Variants in ZNF419 observed in about 807,000 individuals in gnomAD.
ZNF419 encodes the protein zinc finger protein 419A.
In ZNF419, 8 loss-of-function variants were observed where a neutral mutation model predicts 14.9. That is an observed-to-expected ratio of 0.54 (90% CI 0.32 to 0.97). The LOEUF is 0.97. Ranked by LOEUF, ZNF419 falls within the 50% of genes least tolerant of loss-of-function variation. The pLI, the probability that ZNF419 is intolerant of heterozygous loss-of-function variation, is 0.04. For synonymous variants in ZNF419, 211 were observed against 205.3 expected, an observed-to-expected ratio of 1.03 and a Z score of -0.24; for missense variants, 595 against 607.2, an observed-to-expected ratio of 0.98 and a Z score of 0.21.
intron 1 of ZNF419, 49 bp downstream of exon 1, chr19:57,488,032 G>A (rs772544949): frequency 1.9e-5 from 30 of 1,609,796 alleles, no homozygotes; most frequent in Non-Finnish European, 2.5e-5. Flanking sequence ...AGCCCTGTGA[G>A]GGCCGCCTGC....
Position 57,494,341 on chromosome 19 carries a change from G to A in ZNF419, c.*251G>A. On this transcript the variant is annotated 3_prime_UTR_variant, in exon 5 of 5. Coordinates refer to ENST00000221735, the MANE Select transcript of ZNF419 (RefSeq NM_024691.4). ...GGGTGACAGGTTATGTACTGTCTCT[G>A]AATCAATATGACCTCACTTAAAACA... The A allele has an allele frequency of 4.3e-6, 2 of 469,204 alleles. No homozygotes were observed. Among genetic ancestry groups the A allele is most frequent in the Non-Finnish European group, 7.1e-6 (2 of 280,138 alleles). The allele number at this position is 469,204 out of a possible 1,614,324, so 29.1% of individuals were successfully genotyped here.
rs1373604090 is a variant in ZNF419 at position 57,493,751 on chromosome 19, T to A, written c.1194T>A (p.Pro398=). The change falls in exon 5 of 5, where the codon CCT becomes CCA. Residue 398 remains proline, a synonymous_variant. Transcript: ENST00000221735. ...QHQKVHTGEK[P]FKCNECGRFF... Reference sequence around the variant, plus strand: ...AAAAAGTTCACACTGGAGAAAAGCCTTTTAAGTGCAATGAATGTGGGAGAT... The same window carrying A: ...AAAAAGTTCACACTGGAGAAAAGCCATTTAAGTGCAATGAATGTGGGAGAT... 1 of 1,614,042 alleles carries A rather than the reference T, an allele frequency of 6.2e-7. No homozygotes were observed. The highest frequency in any genetic ancestry group is 8.5e-7 in the Non-Finnish European group (1 of 1,180,014).
intron 2 of ZNF419, 112 bp from the exon 3 acceptor site, chr19:57,491,359 C>T: frequency 6.6e-7 from 1 of 1,524,994 alleles, no homozygotes; most frequent in Non-Finnish European, 8.9e-7. Context: ...CAGGGTCTCT[C>T]CTCTGAGATG....
rs1438407234 is a variant in ZNF419 at position 57,491,560 on chromosome 19, T to G, written c.162T>G (p.Asn54Lys). ...ACGCTCAGAGGCTCCTCTACCGCAA[T>G]GTGATGCTGGAGAACTTTACACTTC... ...LDDAQRLLYR[N>K]VMLENFTLLA... The change falls in exon 3 of 5, where the codon AAT becomes AAG. Residue 54 changes from asparagine to lysine, a missense_variant. By Grantham distance (94) the Asn-to-Lys change is moderately conservative. Coordinates refer to ENST00000221735, the MANE Select transcript of ZNF419 (RefSeq NM_024691.4). 1 of 1,613,946 alleles carries G rather than the reference T, an allele frequency of 6.2e-7. No homozygotes were observed. The highest frequency in any genetic ancestry group is 8.5e-7 in the Non-Finnish European group (1 of 1,180,004).
chr19:57,488,170 T>C (rs1240515760), intron 1 of ZNF419, 187 bp downstream of exon 1: 2 of 884,592 alleles, frequency 2.3e-6, no homozygotes, highest in East Asian at 5.4e-5. Flanking sequence ...ATTCAGCGAG[T>C]CCCGAACCTG....
chr19:57,492,633 TACCCCA>T, intron 4 of ZNF419: 1 of 767,168 alleles, frequency 1.3e-6, no homozygotes. Context: ...CCCTGTGCTA[TACCCCA>T]TCCTTGCATC....
rs2089604352 is a variant in ZNF419 at position 57,495,896 on chromosome 19, T to C, written c.*1806T>C. On this transcript the variant is annotated 3_prime_UTR_variant, in exon 5 of 5. Coordinates refer to ENST00000221735, the MANE Select transcript of ZNF419 (RefSeq NM_024691.4). ...ATAAATGTGTACATATTCCCTATCT[T>C]TACTGAGAGCCTAGCAAGCCATGGC... 1 of 152,130 alleles carries C rather than the reference T, an allele frequency of 6.6e-6. No homozygotes were observed. Among genetic ancestry groups the C allele is most frequent in the African/African-American group, 2.4e-5 (1 of 41,414 alleles). 9.4% of individuals were successfully genotyped at this position (152,130 alleles called of 1,614,324 possible).
chr19:57,491,642 CT>C (rs2089487678), intron 3 of ZNF419, 45 bp downstream of exon 3: 1 of 1,613,846 alleles, frequency 6.2e-7, no homozygotes, highest in Admixed American at 1.7e-5. Flanking sequence ...CTGGGCTCGG[CT>C]TTTCCTCCTT....
Position 57,493,777 on chromosome 19 carries a change from T to G in ZNF419, c.1220T>G (p.Phe407Cys). 1.2e-6 allele frequency: 2 copies of G among 1,614,084 alleles called. No homozygotes were observed. The highest frequency in any genetic ancestry group is 1.7e-6 in the Non-Finnish European group (2 of 1,179,994). The change falls in exon 5 of 5, where the codon TTC becomes TGC. Residue 407 changes from phenylalanine to cysteine, a missense_variant. By Grantham distance (205) the Phe-to-Cys change is radical. Coordinates refer to ENST00000221735, the MANE Select transcript of ZNF419 (RefSeq NM_024691.4). ...TTTAAGTGCAATGAATGTGGGAGAT[T>G]CTTTAGAGAGAATTCCACCCTAGTT... The part of the protein sequence containing the change: ...KPFKCNECGR[F>C]FRENSTLVRH...
At position 57,492,309 on chromosome 19, in the gene ZNF419, C is replaced by T. The variant is rs200675387; in HGVS notation, c.298+98C>T. 4.1e-4 allele frequency: 547 copies of T among 1,336,752 alleles called. 1 individual carries two copies. The highest frequency in any genetic ancestry group is 5.5e-4 in the Non-Finnish European group (513 of 927,330). 82.8% of individuals were successfully genotyped at this position (1,336,752 alleles called of 1,614,324 possible). A position where few individuals can be genotyped will look rare whatever the true frequency, so the allele number is the denominator to read the frequency against. On this transcript the variant is annotated intron_variant, in intron 4 of 4. Transcript: ENST00000221735. ...TTTTGATACCAAGGCAAGGGGTTGT[C>T]GCTGATTTCTATCTTTTCTTCCTTA...
At chr19:57,490,727 T>G (rs2089462276) in intron 2 of ZNF419, 1 of 154,928 alleles carries the variant, frequency 6.5e-6, no homozygotes, top group South Asian at 2.0e-4. Flanking sequence ...GTGATCAACA[T>G]TAGAAAATAC....
At position 57,494,041 on chromosome 19, in the gene ZNF419, A is replaced by G. The variant is rs2089572557; in HGVS notation, c.1484A>G (p.Asn495Ser). Residue 495 changes from asparagine (N) to serine (S), a missense_variant, in exon 5 of 5, where the codon AAC becomes AGC. Transcript: ENST00000221735. The part of the protein sequence containing the change: ...CRECGKFFRH[N>S]SSLFKHRRIH... ...GAATGTGGGAAGTTTTTTCGCCACA[A>G]CTCCAGTCTTTTTAAACATCGAAGG... is the stretch of plus-strand genomic sequence containing the variant. 3.7e-6 allele frequency: 6 copies of G among 1,612,040 alleles called. No individual in the cohort carries two copies. The highest frequency in any genetic ancestry group is 1.1e-5 in the South Asian group (1 of 90,614).
At chr19:57,490,442 G>A (rs2089456405) in intron 2 of ZNF419, 1 of 260,380 alleles carries the variant, frequency 3.8e-6, no homozygotes, top group African/African-American at 2.2e-5. Flanking sequence ...GCAACTTCTG[G>A]CTCCTGGGTT....
Position 57,493,013 on chromosome 19 carries a change from T to C in ZNF419, c.456T>C (p.Val152=), listed in dbSNP as rs1168128255. Residue 152 remains valine, a synonymous_variant, in exon 5 of 5, where the codon GTT becomes GTC. Transcript: ENST00000221735. ...TCCCAGTTTTGAGGAGTTGCAAAGT[T>C]CACCTATCAGAGAAGTCCTTGCAAA... The part of the protein sequence containing the change: ...GRVPVLRSCK[V]HLSEKSLQSR... 6.8e-6 allele frequency: 11 copies of C among 1,613,966 alleles called. No individual in the cohort carries two copies. The highest frequency in any genetic ancestry group is 2.2e-5 in the East Asian group (1 of 44,888).
intron 1 of ZNF419, chr19:57,489,177 T>C (rs1266021802): frequency 6.6e-6 from 1 of 152,220 alleles, no homozygotes; most frequent in African/African-American, 2.4e-5. Context: ...CAGGGGAGTA[T>C]ATAGCAGGCA....
intron 1 of ZNF419, 143 bp from the exon 2 acceptor site, chr19:57,490,004 A>G (rs561918474): frequency 2.7e-4 from 190 of 692,864 alleles, no homozygotes; most frequent in Non-Finnish European, 4.5e-4. Context: ...TTCCAAGGGC[A>G]CACAACAGGT....
At chr19:57,489,826 C>A (rs1488880725) in intron 1 of ZNF419, 2 of 233,986 alleles carry the variant, frequency 8.5e-6, no homozygotes, top group Non-Finnish European at 1.7e-5. Flanking sequence ...AGTTTATTTG[C>A]GCTGAAAATG....
Position 57,494,333 on chromosome 19 carries a change from C to T in ZNF419, c.*243C>T. On this transcript the variant is annotated 3_prime_UTR_variant, in exon 5 of 5. Coordinates refer to ENST00000221735, the MANE Select transcript of ZNF419 (RefSeq NM_024691.4). ...AGGCCTTAGGGTGACAGGTTATGTA[C>T]TGTCTCTGAATCAATATGACCTCAC... 1 of 527,638 alleles carries T rather than the reference C, an allele frequency of 1.9e-6. No individual in the cohort carries two copies. Among genetic ancestry groups the T allele is most frequent in the Non-Finnish European group, 3.1e-6 (1 of 318,696 alleles). 32.7% of individuals were successfully genotyped at this position (527,638 alleles called of 1,614,324 possible). A position where few individuals can be genotyped will look rare whatever the true frequency, so the allele number is the denominator to read the frequency against.
Position 57,491,697 on chromosome 19 carries a change from A to G in ZNF419, c.199+100A>G, listed in dbSNP as rs549839083. ...TTCTTCCCAAAGCTGAACTGTGGGC[A>G]CTCATTCCTTCTCCAGTATCCTGAA... On this transcript the variant is annotated intron_variant, in intron 3 of 4. Coordinates refer to ENST00000221735, the MANE Select transcript of ZNF419 (RefSeq NM_024691.4). 9.5e-5 allele frequency: 145 copies of G among 1,523,494 alleles called. No homozygotes were observed. In the South Asian group the frequency reaches 1.5e-3, roughly 16 times the overall value. 94.4% of individuals were successfully genotyped at this position (1,523,494 alleles called of 1,614,324 possible).
Sources: gnomAD v4.1 joint callset for allele counts on GRCh38, gnomAD v4.1.1 for gene constraint, MANE v1.5 for transcripts, NCBI Gene and HGNC (gene_info 2026-07-23, HGNC 2026-07-21) for gene names.